Variants in ELOVL7 observed in about 807,000 individuals in gnomAD.
ELOVL7 encodes the protein ELOVL fatty acid elongase 7, also known as very long chain fatty acid elongase 7.
ELOVL7 carries 27 observed loss-of-function variants against 35.7 expected under a neutral mutation model. That is an observed-to-expected ratio of 0.76 (90% CI 0.56 to 1.04). The LOEUF is 1.04. ELOVL7 is among the 50% of genes least tolerant of loss of function. ELOVL7 has a pLI of 0.00. For synonymous variants in ELOVL7, 113 were observed against 114.6 expected, an observed-to-expected ratio of 0.99 and a Z score of 0.09; for missense variants, 327 against 340.8, an observed-to-expected ratio of 0.96 and a Z score of 0.32.
chr5:60,825,112 C>T (rs981188402), intron 1 of ELOVL7, among the ~76,000 whole-genome samples: 27 of 152,170 alleles, frequency 1.8e-4, no homozygotes, highest in African/African-American at 6.3e-4. Context: ...CACACCCAGG[C>T]TGGTCTCAAA....
intron 8 of ELOVL7, among the ~76,000 whole-genome samples, chr5:60,755,037 A>C (rs1332059589): frequency 6.6e-6 from 1 of 152,164 alleles, no homozygotes; most frequent in Non-Finnish European, 1.5e-5. Flanking sequence ...ATTCAGAACC[A>C]CAAAATTGCA....
At chr5:60,768,676 C>T (rs1198172039) in intron 4 of ELOVL7, 1 of 455,898 alleles carries the variant, frequency 2.2e-6, no homozygotes, top group Admixed American at 2.4e-5. Flanking sequence ...GGAAGGTCTT[C>T]TTTTAAAACA....
intron 1 of ELOVL7, among the ~76,000 whole-genome samples, chr5:60,803,348 C>T (rs1328361920): frequency 1.3e-5 from 2 of 152,198 alleles, no homozygotes; most frequent in Non-Finnish European, 2.9e-5. Flanking sequence ...GTAGCCATGA[C>T]ACAGAGATTA....
At chr5:60,838,766 G>A (rs1018526366) in intron 1 of ELOVL7, among the ~76,000 whole-genome samples, 5 of 152,180 alleles carry the variant, frequency 3.3e-5, no homozygotes, top group Admixed American at 2.6e-4. Context: ...GCTCCTGCCT[G>A]TAATCCCAGC....
chr5:60,809,673 G>A lies in ELOVL7; in HGVS notation c.-85-10443C>T, dbSNP rs139439480. 2.7e-3 allele frequency among the ~76,000 whole-genome samples: 404 copies of A among 152,332 alleles called. 1 individual carries two copies. The highest frequency in any genetic ancestry group is 5.1e-3 in the Admixed American group (78 of 15,300). ...AGGCCAAGAAAAGTTGGTGGAAGAG[G>A]AGAAGCTGAAATTGCATGAGTGTTT... On this transcript the variant is annotated intron_variant, in intron 1 of 8. Coordinates refer to ENST00000508821, the MANE Select transcript of ELOVL7 (RefSeq NM_024930.3).
chr5:60,814,501 A>T (rs1339671694), intron 1 of ELOVL7, among the ~76,000 whole-genome samples: 1 of 152,202 alleles, frequency 6.6e-6, no homozygotes. Context: ...GTGAGTTGCT[A>T]CCCAAGTTAT....
chr5:60,767,833 G>A lies in ELOVL7; in HGVS notation c.326C>T (p.Thr109Ile). ...CAAAGAGAAACTTACCCTCAAAGCT[G>A]TGGGTGACCGTGAATAGTCAACAAT... is the stretch of plus-strand genomic sequence containing the variant. Reference protein sequence around the residue: ...CDIVDYSRSPTALRMARTCWL... With the variant: ...CDIVDYSRSPIALRMARTCWL... The change falls in exon 5 of 9, where the codon ACA becomes ATA. Residue 109 changes from threonine (T) to isoleucine (I), a missense_variant. Thr to Ile is a moderately conservative substitution (Grantham distance 89, BLOSUM62 -1). Coordinates refer to ENST00000508821, the MANE Select transcript of ELOVL7 (RefSeq NM_024930.3). 1 of 1,613,386 alleles carries A rather than the reference G, an allele frequency of 6.2e-7. No homozygotes were observed. The highest frequency in any genetic ancestry group is 1.3e-5 in the African/African-American group (1 of 74,996).
At chr5:60,801,160 T>G (rs1744588408) in intron 1 of ELOVL7, among the ~76,000 whole-genome samples, 1 of 151,972 alleles carries the variant, frequency 6.6e-6, no homozygotes, top group Non-Finnish European at 1.5e-5. Context: ...ACTCCTGAGC[T>G]CAGGTGATCC....
Position 60,787,372 on chromosome 5 carries a change from C to T in ELOVL7, c.26G>A (p.Arg9Lys), listed in dbSNP as rs1561442414. Residue 9 changes from arginine to lysine, a missense_variant, in exon 3 of 9, where the codon AGG (arginine) becomes AAG (lysine). Coordinates refer to ENST00000508821, the MANE Select transcript of ELOVL7 (RefSeq NM_024930.3). The stretch of plus-strand genomic sequence containing the variant: ...CCAATTATCATAAAGATGCACAGTC[C>T]TCGATGTAAGATCACTGAAGGCCAT... MAFSDLTS[R>K]TVHLYDNWIK... 1.9e-6 allele frequency: 3 copies of T among 1,604,628 alleles called. No homozygotes were observed. Among genetic ancestry groups the T allele is most frequent in the Non-Finnish European group, 8.5e-7 (1 of 1,176,840 alleles).
At chr5:60,784,164 G>A in intron 3 of ELOVL7, 1 of 1,508,764 alleles carries the variant, frequency 6.6e-7, no homozygotes, top group Non-Finnish European at 8.9e-7. Context: ...GCAGGTACTG[G>A]CTCAAAGAGT....
At chr5:60,808,555 T>C (rs1441614695) in intron 1 of ELOVL7, among the ~76,000 whole-genome samples, 1 of 152,214 alleles carries the variant, frequency 6.6e-6, no homozygotes, top group Non-Finnish European at 1.5e-5. Context: ...TTCTCTTAAA[T>C]TGGTCAACAC....
intron 3 of ELOVL7, among the ~76,000 whole-genome samples, chr5:60,783,637 A>G (rs562909003): frequency 6.6e-5 from 10 of 152,330 alleles, no homozygotes; most frequent in Admixed American, 1.3e-4. Context: ...AAAACACTGC[A>G]CCCACAGCTA....
intron 1 of ELOVL7, among the ~76,000 whole-genome samples, chr5:60,807,190 G>A (rs1744980747): frequency 6.6e-6 from 1 of 151,876 alleles, no homozygotes; most frequent in African/African-American, 2.4e-5. Context: ...GGTGGTGAAT[G>A]GTACAACAGG....
rs545167260 is a variant in ELOVL7, at chr5:60,830,662, T to C, written c.-86+13498A>G. ...ATTCATTTTTCAATTTTAAAATTTATAGTAAAATACAAATAACTTAAAATT... is the reference window on the plus strand; with the variant it reads ...ATTCATTTTTCAATTTTAAAATTTACAGTAAAATACAAATAACTTAAAATT... On this transcript the variant is annotated intron_variant, in intron 1 of 8. Transcript: ENST00000508821. Among the ~76,000 whole-genome samples the C allele has an allele frequency of 4.0e-5, 6 of 151,832 alleles. No homozygotes were observed. In the South Asian group the frequency reaches 1.2e-3, roughly 32 times the overall value.
intron 1 of ELOVL7, among the ~76,000 whole-genome samples, chr5:60,818,631 T>G (rs968783826): frequency 6.6e-6 from 1 of 152,128 alleles, no homozygotes; most frequent in Non-Finnish European, 1.5e-5. Context: ...CTTGAAGCTA[T>G]AGCTTACTAA....
At chr5:60,811,188 G>A (rs1745219878) in intron 1 of ELOVL7, among the ~76,000 whole-genome samples, 1 of 151,950 alleles carries the variant, frequency 6.6e-6, no homozygotes, top group Admixed American at 6.6e-5. Context: ...AAAAAACTTT[G>A]CAAATTAGCT....
intron 1 of ELOVL7, among the ~76,000 whole-genome samples, chr5:60,818,655 G>A (rs1261457941): frequency 2.0e-5 from 3 of 151,960 alleles, no homozygotes; most frequent in African/African-American, 2.4e-5. Context: ...CAGATAATTC[G>A]CTACACAGAG....
At chr5:60,758,659 A>G (rs960263849) in intron 7 of ELOVL7, among the ~76,000 whole-genome samples, 1 of 152,226 alleles carries the variant, frequency 6.6e-6, no homozygotes, top group Admixed American at 6.5e-5. Context: ...AATGTAAGAA[A>G]AAATCATTTC....
At chr5:60,788,872 G>GT (rs1743757962) in intron 2 of ELOVL7, among the ~76,000 whole-genome samples, 1 of 152,040 alleles carries the variant, frequency 6.6e-6, no homozygotes, top group African/African-American at 2.4e-5. Flanking sequence ...TTTTACTTAC[G>GT]TAAGTATAGG....
Sources: allele counts gnomAD v4.1 joint callset (sites outside exome capture counted in the v4.1 genomes callset), GRCh38; gene constraint gnomAD v4.1.1; transcripts MANE v1.5; gene names NCBI Gene and HGNC (gene_info 2026-07-23, HGNC 2026-07-21).